The following SYTL3 variants were observed in gnomAD, a reference collection of about 807,000 sequenced individuals.
The protein encoded by SYTL3 is synaptotagmin-like protein 3.
A neutral mutation model predicts 82.1 loss-of-function variants in SYTL3; 88 were observed. The ratio of observed to expected loss-of-function variants is 1.07; its 90% CI spans 0.90 to 1.28. SYTL3 has a LOEUF of 1.28. Ranked by LOEUF, SYTL3 falls within the 50% of genes most tolerant of loss-of-function variation. The pLI is 0.00. For missense variants in SYTL3, 831 were observed against 757.6 expected (o/e 1.10, Z -1.14); for synonymous variants, 311 against 289.4 (o/e 1.07, Z -0.76).
intron 8 of SYTL3, among the ~76,000 whole-genome samples, chr6:158,710,652 CAACT>C (rs1318463084): frequency 6.6e-6 from 1 of 152,086 alleles, no homozygotes; most frequent in Non-Finnish European, 1.5e-5. Flanking sequence ...AATTCATACA[CAACT>C]AAACTAAATA....
chr6:158,728,226 C>T (rs1784969002), intron 11 of SYTL3, among the ~76,000 whole-genome samples: 2 of 152,072 alleles, frequency 1.3e-5, no homozygotes, highest in Admixed American at 1.3e-4. Flanking sequence ...CTTTTACCTT[C>T]AGGGCTGTGC....
upstream of SYTL3, among the ~76,000 whole-genome samples, chr6:158,648,318 G>A (rs560099558): frequency 1.1e-4 from 17 of 152,074 alleles, no homozygotes; most frequent in South Asian, 3.5e-3. Context: ...TAGGCCAGGC[G>A]TGGTGGCTCA....
At chr6:158,646,520 G>C (rs945140074), upstream of SYTL3, among the ~76,000 whole-genome samples, 1 of 152,184 alleles carries the variant, frequency 6.6e-6, no homozygotes, top group Non-Finnish European at 1.5e-5. Flanking sequence ...CTTTGCCTCA[G>C]ACCCAAATGG....
Position 158,718,257 on chromosome 6 carries a change from G to A in SYTL3, c.720+46G>A, listed in dbSNP as rs761090261. ...CCTCCACGCTGATCACCTTCATGTT[G>A]TCTTCCAGAACTTTCTAGCCTGCCT... On this transcript the variant is annotated intron_variant, in intron 10 of 17. Transcript: ENST00000611299. 6 of 1,393,448 alleles carry A rather than the reference G, an allele frequency of 4.3e-6. No individual in the cohort carries two copies. The South Asian group carries it at 1.0e-4, about 24-fold the overall frequency. 86.3% of individuals were successfully genotyped at this position (1,393,448 alleles called of 1,614,324 possible).
Position 158,763,437 on chromosome 6 carries a change from G to C in SYTL3, c.1651G>C (p.Glu551Gln), listed in dbSNP as rs1473512479. ...TPAQLRQSSL[E>Q]LTVWDQALFG... ...AGCTCAGCTGAGGCAGTCAAGCTTG[G>C]AGTTAACTGTCTGGGATCAGGCCCT... Residue 551 changes from glutamate to glutamine, a missense_variant, in exon 17 of 18, where the codon GAG becomes CAG. Glu to Gln is a conservative substitution (Grantham distance 29, BLOSUM62 2). Coordinates refer to ENST00000611299, the MANE Select transcript of SYTL3 (RefSeq NM_001242394.2). The C allele has an allele frequency of 7.4e-6, 12 of 1,614,224 alleles. No individual in the cohort carries two copies. The highest frequency in any genetic ancestry group is 1.3e-5 in the African/African-American group (1 of 75,054).
chr6:158,711,841 A>AGGAC (rs1178927571), intron 8 of SYTL3, among the ~76,000 whole-genome samples: 1 of 152,190 alleles, frequency 6.6e-6, no homozygotes, highest in Non-Finnish European at 1.5e-5. Flanking sequence ...TGTAGCAGTG[A>AGGAC]GGACGACCAG....
chr6:158,733,688 A>G (rs1785724632), intron 11 of SYTL3, among the ~76,000 whole-genome samples: 1 of 152,084 alleles, frequency 6.6e-6, no homozygotes, highest in South Asian at 2.1e-4. Context: ...TTAAATTGTA[A>G]AGTCTGGCTC....
At chr6:158,752,345 A>G (rs1270788718) in intron 13 of SYTL3, among the ~76,000 whole-genome samples, 1 of 152,178 alleles carries the variant, frequency 6.6e-6, no homozygotes, top group East Asian at 1.9e-4. Flanking sequence ...AATTTTAAAC[A>G]TTAGTTTGTC....
chr6:158,761,957 C>G (rs980861819), intron 15 of SYTL3, 119 bp from the exon 16 acceptor site: 1 of 688,042 alleles, frequency 1.5e-6, no homozygotes, highest in Non-Finnish European at 2.5e-6. Flanking sequence ...CATCTGCTCT[C>G]TCGGGGTCTG....
chr6:158,724,729 G>C (rs1207530305), intron 10 of SYTL3, among the ~76,000 whole-genome samples: 1 of 152,246 alleles, frequency 6.6e-6, no homozygotes, highest in Non-Finnish European at 1.5e-5. Context: ...AGAAATGTCA[G>C]CTTGGCTGTG....
rs761191663 is a variant in SYTL3 at position 158,713,871 on chromosome 6, C to A, written c.588C>A (p.His196Gln). The A allele has an allele frequency of 6.5e-7, 1 of 1,549,468 alleles. No homozygotes were observed. The highest frequency in any genetic ancestry group is 2.0e-5 in the Admixed American group (1 of 50,984). Residue 196 changes from histidine to glutamine, a missense_variant, in exon 9 of 18, where the codon CAC (histidine) becomes CAA (glutamine). Coordinates refer to ENST00000611299, the MANE Select transcript of SYTL3 (RefSeq NM_001242394.2). Reference sequence around the variant, plus strand: ...ATTTGTTTCTGTCTCTTGCTACCCACGTGAAAAGTAAGTGCATGCTTCATG... The same window carrying A: ...ATTTGTTTCTGTCTCTTGCTACCCAAGTGAAAAGTAAGTGCATGCTTCATG... The part of the protein sequence containing the change: ...VENLFLSLAT[H>Q]VKKLSKSQND...
At chr6:158,708,217 G>A (rs1782331154) in intron 7 of SYTL3, 105 bp from the exon 8 acceptor site, 2 of 1,054,590 alleles carry the variant, frequency 1.9e-6, no homozygotes, top group Non-Finnish European at 3.0e-6. Flanking sequence ...TAAAAAAAAG[G>A]CGGAGAACTA....
chr6:158,732,753 C>T (rs1449872194), intron 11 of SYTL3, among the ~76,000 whole-genome samples: 3 of 152,094 alleles, frequency 2.0e-5, no homozygotes, highest in African/African-American at 7.2e-5. Flanking sequence ...ATCAGTCCAC[C>T]CTTATTCATC....
At chr6:158,696,233 C>T (rs1780540975) in intron 6 of SYTL3, among the ~76,000 whole-genome samples, 3 of 152,068 alleles carry the variant, frequency 2.0e-5, no homozygotes, top group African/African-American at 7.2e-5. Flanking sequence ...TGGAGTCTCA[C>T]TCTGTTGCCA....
chr6:158,733,868 A>C (rs1351641791), intron 11 of SYTL3, among the ~76,000 whole-genome samples: 1 of 150,736 alleles, frequency 6.6e-6, no homozygotes, highest in Non-Finnish European at 1.5e-5. Context: ...GAGGCCGAGG[A>C]GGGCGGATCA....
intron 1 of SYTL3, among the ~76,000 whole-genome samples, chr6:158,650,345 T>C (rs892695499): frequency 1.6e-4 from 24 of 152,046 alleles, no homozygotes; most frequent in Admixed American, 7.9e-4. Context: ...AAAAACACTA[T>C]CCAAAAGCTA....
chr6:158,762,268 A>G lies in SYTL3; in HGVS notation c.1517+90A>G, dbSNP rs937216157. On this transcript the variant is annotated intron_variant, in intron 16 of 17. Coordinates refer to ENST00000611299, the MANE Select transcript of SYTL3 (RefSeq NM_001242394.2). Reference sequence around the variant, plus strand: ...CCTGCAGCGAACACTAAAAAACGTAAGCCACTTAAAACGTCTTATTTTAGC... The same window carrying G: ...CCTGCAGCGAACACTAAAAAACGTAGGCCACTTAAAACGTCTTATTTTAGC... 7.6e-6 allele frequency: 7 copies of G among 920,066 alleles called. No individual in the cohort carries two copies. The African/African-American group carries it at 1.2e-4, about 15-fold the overall frequency. 57.0% of individuals were successfully genotyped at this position (920,066 alleles called of 1,614,324 possible). A position where few individuals can be genotyped will look rare whatever the true frequency, so the allele number is the denominator to read the frequency against.
chr6:158,735,639 A>C lies in SYTL3; in HGVS notation c.856-9841A>C, dbSNP rs562593918. On this transcript the variant is annotated intron_variant, in intron 11 of 17. Transcript: ENST00000611299. The stretch of plus-strand genomic sequence containing the variant: ...ACAAGGATCGGAGTAAAAACAAAAA[A>C]CAAAAAACCCAGCTTATTAAAATTC... Among the ~76,000 whole-genome samples, 91 of 152,360 alleles carry C rather than the reference A, an allele frequency of 6.0e-4. 1 individual carries two copies. The highest frequency in any genetic ancestry group is 3.5e-3 in the South Asian group (17 of 4,828).
chr6:158,750,049 G>T (rs1788199123), intron 12 of SYTL3, among the ~76,000 whole-genome samples: 1 of 152,136 alleles, frequency 6.6e-6, no homozygotes, highest in Non-Finnish European at 1.5e-5. Context: ...TTCATTCAGT[G>T]GAATGATACG....
Sources: allele counts gnomAD v4.1 joint callset (sites outside exome capture counted in the v4.1 genomes callset), GRCh38; gene constraint gnomAD v4.1.1; transcripts MANE v1.5; gene names NCBI Gene and HGNC (gene_info 2026-07-23, HGNC 2026-07-21).